HEXD: variants seen among roughly 807,000 people sequenced by gnomAD.
The protein encoded by HEXD is hexosaminidase D, also known as N-acetyl-beta-galactosaminidase.
A neutral mutation model predicts 54.2 loss-of-function variants in HEXD; 47 were observed. That is an observed-to-expected ratio of 0.87 (90% CI 0.69 to 1.11). The LOEUF (loss-of-function observed/expected upper bound fraction) is 1.11, where lower values mean the gene tolerates loss of function less well. Among genes scored for constraint, HEXD ranks in the 50% least tolerant of loss-of-function variants. The probability of loss-of-function intolerance (pLI) is 0.00; values close to 1 mark genes in which losing one functional copy is unlikely to be tolerated. For synonymous variants in HEXD, 293 were observed against 287.6 expected, an observed-to-expected ratio of 1.02 and a Z score of -0.19; for missense variants, 576 against 649.2, an observed-to-expected ratio of 0.89 and a Z score of 1.23.
chr17:82,442,110 C>A lies in HEXD; in HGVS notation c.1254-67C>A. 1.3e-6 allele frequency: 2 copies of A among 1,544,030 alleles called. No homozygotes were observed. The highest frequency in any genetic ancestry group is 1.3e-5 in the African/African-American group (1 of 74,104). Reference sequence around the variant, plus strand: ...AGGTGAACTGAGGCACAGGGCAGTACTGACCATGGGGCTGAGGGCAAGTCC... The same window carrying A: ...AGGTGAACTGAGGCACAGGGCAGTAATGACCATGGGGCTGAGGGCAAGTCC... On this transcript the variant is annotated intron_variant, in intron 12 of 12. Coordinates refer to ENST00000327949, the MANE Select transcript of HEXD (RefSeq NM_001330542.2). This position sits in a 1 kb window ranked among gnomAD's most constrained non-coding sequence, Gnocchi z 6.8.
chr17:82,439,454 G>A (rs1307511897), intron 8 of HEXD, 177 bp from the exon 9 acceptor site: 9 of 985,288 alleles, frequency 9.1e-6, no homozygotes, highest in Non-Finnish European at 1.1e-5. Flanking sequence ...TGAGAGCCCT[G>A]CCGCACAGAA....
In HEXD at chr17:82,442,297, G is replaced by A. The variant is rs2143660694; in HGVS notation, c.1374G>A (p.Leu458=). The A allele has an allele frequency of 6.2e-7, 1 of 1,608,946 alleles. No individual in the cohort carries two copies. Among genetic ancestry groups the A allele is most frequent in the South Asian group, 1.1e-5 (1 of 91,090 alleles). ...EENVHPSLQR[L]QALLQDLSEV... Reference sequence around the variant, plus strand: ...ACGTGCACCCCAGCCTGCAGCGGCTGCAAGCTCTGCTGCAGGACCTCAGCG... The same window carrying A: ...ACGTGCACCCCAGCCTGCAGCGGCTACAAGCTCTGCTGCAGGACCTCAGCG... The change falls in exon 13 of 13, where the codon CTG becomes CTA. Residue 458 remains leucine (L), a synonymous_variant. Coordinates refer to ENST00000327949, the MANE Select transcript of HEXD (RefSeq NM_001330542.2). The surrounding 1 kb of genome is among the most constrained non-coding windows in gnomAD (Gnocchi z 6.8).
rs745937436 is a variant in HEXD, at chr17:82,441,084, C to A, written c.1061+9C>A. 6 of 1,613,662 alleles carry A rather than the reference C, an allele frequency of 3.7e-6. No individual in the cohort carries two copies. The South Asian group carries it at 6.6e-5, about 18-fold the overall frequency. On this transcript the variant is annotated intron_variant, in intron 10 of 12. Transcript: ENST00000327949. ...AAAACGGACCCTGTTAGGCAAGCACCCTGCAGCCCTCCCTGTCCCCTTCTT... is the reference window on the plus strand; with the variant it reads ...AAAACGGACCCTGTTAGGCAAGCACACTGCAGCCCTCCCTGTCCCCTTCTT...
At chr17:82,435,902 G>A (rs1170292519) in intron 6 of HEXD, 30 bp downstream of exon 6, 2 of 1,589,250 alleles carry the variant, frequency 1.3e-6, no homozygotes, top group South Asian at 2.2e-5. Context: ...GGAGGGGGTG[G>A]GCCACTGAAC....
intron 2 of HEXD, among the ~76,000 whole-genome samples, chr17:82,422,678 G>C (rs2053270423): frequency 6.6e-6 from 1 of 152,164 alleles, no homozygotes; most frequent in Non-Finnish European, 1.5e-5. Context: ...TGACAGAAAA[G>C]AAAAAAGCAA....
rs1388582431 is a variant in HEXD at position 82,434,301 on chromosome 17, G to GC, written c.447+484dup. Reference sequence around the variant, plus strand: ...GGTCCCCAGGGGGTGCCAGAGATGTGCCCCCTCCAACCCAGTGAGCCCCCA... The same window carrying GC: ...GGTCCCCAGGGGGTGCCAGAGATGTGCCCCCCTCCAACCCAGTGAGCCCCCA... On this transcript the variant is annotated intron_variant, in intron 5 of 12. Coordinates refer to ENST00000327949, the MANE Select transcript of HEXD (RefSeq NM_001330542.2). The surrounding 1 kb of genome is among the most constrained non-coding windows in gnomAD (Gnocchi z 4.5). 1.3e-5 allele frequency among the ~76,000 whole-genome samples: 2 copies of GC among 152,112 alleles called. No homozygotes were observed. Among genetic ancestry groups the GC allele is most frequent in the Non-Finnish European group, 2.9e-5 (2 of 68,010 alleles).
At chr17:82,439,973 C>A (rs530417549) in intron 9 of HEXD, 359 of 1,473,296 alleles carry the variant, frequency 2.4e-4, no homozygotes, top group Non-Finnish European at 3.1e-4. Context: ...ACAGTGAATC[C>A]GCAGAAATGC....
intron 4 of HEXD, among the ~76,000 whole-genome samples, chr17:82,430,021 C>T (rs886153230): frequency 1.3e-5 from 2 of 152,194 alleles, no homozygotes; most frequent in Admixed American, 1.3e-4. Flanking sequence ...CCACCCGCCA[C>T]GCCCTGACCC....
chr17:82,429,863 C>T (rs757117570), intron 4 of HEXD, among the ~76,000 whole-genome samples: 1 of 152,172 alleles, frequency 6.6e-6, no homozygotes, highest in Non-Finnish European at 1.5e-5. Context: ...CTTCGTCTTC[C>T]TCTTCCTCTT....
chr17:82,423,425 G>A (rs2053295714), intron 2 of HEXD: 1 of 152,392 alleles, frequency 6.6e-6, no homozygotes, highest in African/African-American at 2.4e-5. Context: ...GCTGAGGCTG[G>A]AGGATCACTT....
chr17:82,437,105 C>T (rs1346456569), intron 7 of HEXD, 63 bp from the exon 8 acceptor site: 9 of 1,397,802 alleles, frequency 6.4e-6, no homozygotes, highest in Non-Finnish European at 7.9e-6. Flanking sequence ...CCCCGGGAGG[C>T]GTGTCCAGGG....
intron 2 of HEXD, among the ~76,000 whole-genome samples, chr17:82,422,362 C>T (rs190223265): frequency 1.9e-4 from 28 of 151,190 alleles, no homozygotes; most frequent in African/African-American, 6.3e-4. Context: ...CCAGGCTCAG[C>T]GGCTCACAAC....
chr17:82,441,924 T>C lies in HEXD; in HGVS notation c.1253+35T>C. Reference sequence around the variant, plus strand: ...TGGGCTCTTATAGGCCGTGCAGCCATGGGTTCCCTGAGAACTGCTGCTGTT... The same window carrying C: ...TGGGCTCTTATAGGCCGTGCAGCCACGGGTTCCCTGAGAACTGCTGCTGTT... On this transcript the variant is annotated intron_variant, in intron 12 of 12. Transcript: ENST00000327949. 4 of 1,590,560 alleles carry C rather than the reference T, an allele frequency of 2.5e-6. No homozygotes were observed. The South Asian group carries it at 3.3e-5, about 13-fold the overall frequency.
chr17:82,423,365 G>A (rs1183551672), intron 2 of HEXD: 2 of 152,206 alleles, frequency 1.3e-5, no homozygotes, highest in African/African-American at 4.8e-5. Flanking sequence ...TCCTGCATGT[G>A]TGTCATCCAG....
chr17:82,424,986 C>T (rs758496724), intron 3 of HEXD, among the ~76,000 whole-genome samples: 5 of 149,822 alleles, frequency 3.3e-5, no homozygotes, highest in Non-Finnish European at 5.9e-5. Context: ...CCAGAGAAGG[C>T]TGGGCTAGAG....
chr17:82,435,754 G>C lies in HEXD; in HGVS notation c.513G>C (p.Gly171=). 1 of 1,613,000 alleles carries C rather than the reference G, an allele frequency of 6.2e-7. No individual in the cohort carries two copies. The highest frequency in any genetic ancestry group is 8.5e-7 in the Non-Finnish European group (1 of 1,179,902). The change falls in exon 6 of 13, where the codon GGG becomes GGC. Residue 171 remains glycine (G), a synonymous_variant. Coordinates refer to ENST00000327949, the MANE Select transcript of HEXD (RefSeq NM_001330542.2). ...TACAGCAAGAGCAGAACAGCACGGG[G>C]AAGTTGTGCCTGTCACACATGCGGG... ...RWLQQEQNST[G]KLCLSHMRAV...
intron 9 of HEXD, chr17:82,440,487 G>GGAT: frequency 2.4e-6 from 1 of 423,006 alleles, no homozygotes; most frequent in East Asian, 9.8e-5. Flanking sequence ...CCTTGCCCAC[G>GGAT]GCCCCATCCG....
At chr17:82,436,629 CA>C (rs1327358132) in intron 6 of HEXD, 37 bp from the exon 7 acceptor site, 1 of 1,564,330 alleles carries the variant, frequency 6.4e-7, no homozygotes, top group South Asian at 1.1e-5. Flanking sequence ...GAGTGTGGTC[CA>C]GGTGTCTCAC....
rs1283957575 is a variant in HEXD, at chr17:82,433,114, ATATATATATATATAT to A, written c.283-542_283-528del. Among the ~76,000 whole-genome samples the A allele has an allele frequency of 5.4e-3, 95 of 17,670 alleles. 9 individuals carry two copies. Among genetic ancestry groups the A allele is most frequent in the African/African-American group, 0.039 (84 of 2,128 alleles). 11.6% of individuals were successfully genotyped at this position (17,670 alleles called of 152,430 possible). Reference sequence around the variant, plus strand: ...AAAATATATATATATATATATATATATATATATATATATATTTTTTTTTTTTTTTTATATATATAT... The same window carrying A: ...AAAATATATATATATATATATATATATTTTTTTTTTTTTTTATATATATAT... On this transcript the variant is annotated intron_variant, in intron 4 of 12. Transcript: ENST00000327949.
Sources: gnomAD v4.1 joint callset for allele counts (sites outside exome capture counted in the v4.1 genomes callset) on GRCh38, gnomAD v4.1.1 for gene constraint, Gnocchi (gnomAD v3.1) non-coding constraint, MANE v1.5 for transcripts, NCBI Gene and HGNC (gene_info 2026-07-23, HGNC 2026-07-21) for gene names.